NOVA1: variants seen among roughly 807,000 people sequenced by gnomAD.
The protein encoded by NOVA1 is NOVA alternative splicing regulator 1.
In NOVA1, 7 loss-of-function variants were observed where a neutral mutation model predicts 38.0. The ratio of observed to expected loss-of-function variants is 0.18; its 90% CI spans 0.10 to 0.35. NOVA1 has a LOEUF of 0.35. NOVA1 is among the 10% of genes least tolerant of loss of function. The probability of loss-of-function intolerance (pLI) is 1.00; values close to 1 mark genes in which losing one functional copy is unlikely to be tolerated. For missense variants in NOVA1, 460 were observed against 616.0 expected (o/e 0.75, Z 2.68); for synonymous variants, 270 against 232.5 (o/e 1.16, Z -1.47).
At chr14:26,491,595 T>G (rs1390587158) in intron 2 of NOVA1, among the ~76,000 whole-genome samples, 1 of 152,172 alleles carries the variant, frequency 6.6e-6, no homozygotes, top group Non-Finnish European at 1.5e-5. Flanking sequence ...TTTAGGTTGT[T>G]GATCTATTTT....
At position 26,445,076 on chromosome 14, in the gene NOVA1, A is replaced by T. The variant is rs1449154767; in HGVS notation, c.*2883T>A. 1 of 152,200 alleles carries T rather than the reference A, an allele frequency of 6.6e-6. No homozygotes were observed. The highest frequency in any genetic ancestry group is 1.9e-4 in the East Asian group (1 of 5,192). The allele number at this position is 152,200 out of a possible 1,614,324, so 9.4% of individuals were successfully genotyped here. A position where few individuals can be genotyped will look rare whatever the true frequency, so the allele number is the denominator to read the frequency against. Reference sequence around the variant, plus strand: ...CCCTGAAACAGAATGCATTAAAAAGACATAGAAAGCTGCAGAACTGAGGTA... The same window carrying T: ...CCCTGAAACAGAATGCATTAAAAAGTCATAGAAAGCTGCAGAACTGAGGTA... On this transcript the variant is annotated 3_prime_UTR_variant, in exon 5 of 5. Coordinates refer to ENST00000539517, the MANE Select transcript of NOVA1 (RefSeq NM_002515.3).
intron 2 of NOVA1, among the ~76,000 whole-genome samples, chr14:26,513,693 A>C (rs1402706339): frequency 6.7e-6 from 1 of 149,830 alleles, no homozygotes; most frequent in Non-Finnish European, 1.5e-5. Flanking sequence ...ATTTAATAAA[A>C]AAACAGATAA....
intron 2 of NOVA1, among the ~76,000 whole-genome samples, chr14:26,578,242 G>C (rs1002364556): frequency 5.9e-5 from 9 of 152,000 alleles, no homozygotes; most frequent in African/African-American, 2.2e-4. Context: ...AGCTTCAAAA[G>C]AGAAATGAAA....
At chr14:26,543,644 A>G (rs569940331) in intron 2 of NOVA1, among the ~76,000 whole-genome samples, 1 of 152,168 alleles carries the variant, frequency 6.6e-6, no homozygotes, top group East Asian at 1.9e-4. Context: ...ACAGAACAGC[A>G]TAAGACAAGG....
chr14:26,532,427 A>G (rs1169001972), intron 2 of NOVA1, among the ~76,000 whole-genome samples: 2 of 152,208 alleles, frequency 1.3e-5, no homozygotes, highest in Admixed American at 6.5e-5. Flanking sequence ...AACTAGACAC[A>G]AGGCTACATA....
chr14:26,571,046 CA>C (rs1325035517), intron 2 of NOVA1, among the ~76,000 whole-genome samples: 1 of 149,446 alleles, frequency 6.7e-6, no homozygotes, highest in African/African-American at 2.6e-5. Context: ...ACTTCACTTA[CA>C]AAGGCTGGTG....
chr14:26,485,617 T>C (rs942506206), intron 2 of NOVA1, among the ~76,000 whole-genome samples: 1 of 152,126 alleles, frequency 6.6e-6, no homozygotes, highest in Non-Finnish European at 1.5e-5. Context: ...GAGACATTAT[T>C]CAAACCAGAG....
At chr14:26,574,594 T>A (rs1271989616) in intron 2 of NOVA1, among the ~76,000 whole-genome samples, 1 of 152,108 alleles carries the variant, frequency 6.6e-6, no homozygotes, top group East Asian at 1.9e-4. Flanking sequence ...AATGAGTGGT[T>A]ACTTAAAATT....
chr14:26,455,173 T>G (rs1016972160), intron 4 of NOVA1, among the ~76,000 whole-genome samples: 3 of 152,094 alleles, frequency 2.0e-5, no homozygotes, highest in African/African-American at 7.2e-5. Flanking sequence ...GTCTAATATC[T>G]CTCATAAAAT....
chr14:26,575,889 T>C (rs998012399), intron 2 of NOVA1, among the ~76,000 whole-genome samples: 7 of 152,000 alleles, frequency 4.6e-5, no homozygotes, highest in African/African-American at 9.7e-5. Flanking sequence ...CATTAAGTAG[T>C]ACAGTTAAGC....
chr14:26,585,136 G>A (rs965896820), intron 2 of NOVA1, among the ~76,000 whole-genome samples: 1 of 151,264 alleles, frequency 6.6e-6, no homozygotes, highest in Non-Finnish European at 1.5e-5. Flanking sequence ...GGTTTACTAT[G>A]ATAAAAATCA....
At chr14:26,473,600 A>G (rs1007427943) in intron 3 of NOVA1, among the ~76,000 whole-genome samples, 1 of 152,006 alleles carries the variant, frequency 6.6e-6, no homozygotes, top group Non-Finnish European at 1.5e-5. Flanking sequence ...TGCGTACAAT[A>G]AAGCCATTAA....
At chr14:26,586,106 C>T (rs1343942945) in intron 2 of NOVA1, among the ~76,000 whole-genome samples, 2 of 151,282 alleles carry the variant, frequency 1.3e-5, no homozygotes, top group African/African-American at 2.4e-5. Flanking sequence ...ATAAATTCCC[C>T]CACATCAGTG....
chr14:26,479,835 T>C, intron 3 of NOVA1, 142 bp downstream of exon 3: 1 of 811,186 alleles, frequency 1.2e-6, no homozygotes, highest in Non-Finnish European at 1.9e-6. Flanking sequence ...CTTGATAGTC[T>C]TTAAATAACT....
At chr14:26,572,491 A>C (rs1482758946) in intron 2 of NOVA1, among the ~76,000 whole-genome samples, 1 of 152,204 alleles carries the variant, frequency 6.6e-6, no homozygotes, top group African/African-American at 2.4e-5. Context: ...ACTATGTGGA[A>C]GACCCTATAA....
chr14:26,500,652 T>C (rs1887184581), intron 2 of NOVA1, among the ~76,000 whole-genome samples: 1 of 151,932 alleles, frequency 6.6e-6, no homozygotes, highest in Admixed American at 6.6e-5. Flanking sequence ...CAGATAAAAG[T>C]TGGAAAAATA....
rs983902738 is a variant in NOVA1, at chr14:26,443,211, A to G, written c.*4748T>C. On this transcript the variant is annotated 3_prime_UTR_variant, in exon 5 of 5. Coordinates refer to ENST00000539517, the MANE Select transcript of NOVA1 (RefSeq NM_002515.3). ...TGTTCCACAGTTTTTGCTTGTTTAT[A>G]TATCTATGGTAACCCAAGTATTGGC... The G allele has an allele frequency of 6.6e-6, 1 of 152,046 alleles. No individual in the cohort carries two copies. The highest frequency in any genetic ancestry group is 1.5e-5 in the Non-Finnish European group (1 of 67,916). The allele number at this position is 152,046 out of a possible 1,614,324, so 9.4% of individuals were successfully genotyped here.
At chr14:26,472,978 T>C (rs1162171954) in intron 3 of NOVA1, among the ~76,000 whole-genome samples, 1 of 151,932 alleles carries the variant, frequency 6.6e-6, no homozygotes, top group Non-Finnish European at 1.5e-5. Context: ...TAATTTTTAA[T>C]AAATTTAAGG....
chr14:26,528,267 G>T (rs1201480391), intron 2 of NOVA1, among the ~76,000 whole-genome samples: 2 of 152,074 alleles, frequency 1.3e-5, no homozygotes, highest in African/African-American at 4.8e-5. Flanking sequence ...ATGCTTACTA[G>T]GTTTAGGCAG....
Sources: allele counts gnomAD v4.1 joint callset (sites outside exome capture counted in the v4.1 genomes callset), GRCh38; gene constraint gnomAD v4.1.1; transcripts MANE v1.5; gene names NCBI Gene and HGNC (gene_info 2026-07-23, HGNC 2026-07-21).